Variants in HAPLN2 observed in about 807,000 individuals in gnomAD.
HAPLN2 encodes hyaluronan and proteoglycan link protein 2.
HAPLN2 carries 27 observed loss-of-function variants against 29.3 expected under a neutral mutation model. The ratio of observed to expected loss-of-function variants is 0.92; its 90% CI spans 0.68 to 1.27. HAPLN2 has a LOEUF of 1.27. HAPLN2 is among the 50% of genes most tolerant of loss of function. HAPLN2 has a pLI of 0.00. For synonymous variants in HAPLN2, 208 were observed against 211.7 expected (o/e 0.98, Z 0.15); for missense variants, 454 against 484.3 (o/e 0.94, Z 0.59).
chr1:156,608,513 T>TCTTTTCTTTTCTTTC, the HAPLN2 span, among the ~76,000 whole-genome samples: 1 of 151,896 alleles, frequency 6.6e-6, no homozygotes, highest in African/African-American at 2.4e-5. Context: ...CCTTTTCTTT[T>TCTTTTCTTTTCTTTC]CTTTTCTTTC....
At chr1:156,602,520 C>G in the HAPLN2 span, among the ~76,000 whole-genome samples, 2 of 105,506 alleles carry the variant, frequency 1.9e-5, no homozygotes, top group African/African-American at 7.2e-5. Context: ...CCAGCCTGGG[C>G]AAAATGGCGA....
the HAPLN2 span, among the ~76,000 whole-genome samples, chr1:156,604,338 G>T: frequency 1.3e-5 from 2 of 150,696 alleles, no homozygotes; most frequent in Non-Finnish European, 2.9e-5. Flanking sequence ...CTATCGCCAG[G>T]CTGGAGTGCA....
chr1:156,604,451 A>G, the HAPLN2 span, among the ~76,000 whole-genome samples: 4 of 152,068 alleles, frequency 2.6e-5, no homozygotes, highest in African/African-American at 9.7e-5. Context: ...CACCACGCCC[A>G]GCTAATTTTT....
upstream of HAPLN2, among the ~76,000 whole-genome samples, chr1:156,616,107 CA>C (rs1218055119): frequency 2.8e-4 from 43 of 152,226 alleles, no homozygotes; most frequent in Non-Finnish European, 1.5e-5. Context: ...GAAAACTGGC[CA>C]GCTGAACCTG....
Position 156,623,679 on chromosome 1 carries a change from C to T in HAPLN2, c.85+104C>T, listed in dbSNP as rs1678332120. On this transcript the variant is annotated intron_variant, in intron 3 of 6. Transcript: ENST00000255039. Reference sequence around the variant, plus strand: ...TTGCAGGTACCCAGGGACTGAAAGTCATTGCTGAGAAGGCAATGGAGGAGA... The same window carrying T: ...TTGCAGGTACCCAGGGACTGAAAGTTATTGCTGAGAAGGCAATGGAGGAGA... 4 of 1,547,446 alleles carry T rather than the reference C, an allele frequency of 2.6e-6. No individual in the cohort carries two copies. In the South Asian group the frequency reaches 3.6e-5, roughly 14 times the overall value.
the HAPLN2 span, among the ~76,000 whole-genome samples, chr1:156,609,740 A>G: frequency 1.3e-5 from 2 of 152,166 alleles, no homozygotes; most frequent in African/African-American, 2.4e-5. Flanking sequence ...TAAAGGAACA[A>G]TAGACACCAG....
At chr1:156,601,987 G>C in the HAPLN2 span, among the ~76,000 whole-genome samples, 2,930 of 151,970 alleles carry the variant, frequency 0.019, 31 homozygotes, top group Middle Eastern at 0.037. Flanking sequence ...AGACTTGAGG[G>C]CAGTGGCGCG....
the HAPLN2 span, among the ~76,000 whole-genome samples, chr1:156,613,953 AAAAG>A: frequency 6.6e-6 from 1 of 151,814 alleles, no homozygotes. Flanking sequence ...AAAAAGAAAA[AAAAG>A]AAAAAATGCT....
chr1:156,610,466 C>T, the HAPLN2 span, among the ~76,000 whole-genome samples: 1 of 151,914 alleles, frequency 6.6e-6, no homozygotes, highest in African/African-American at 2.4e-5. Flanking sequence ...GGAGAAACCC[C>T]GTGTCTACTA....
Position 156,624,367 on chromosome 1 carries a change from C to G in HAPLN2, c.456C>G (p.Tyr152Ter), listed in dbSNP as rs553670177. Residue 152 changes from tyrosine to a stop codon, truncating the protein, a stop_gained, in exon 5 of 7, where the codon TAC (tyrosine) becomes TAG (stop). Coordinates refer to ENST00000255039, the MANE Select transcript of HAPLN2 (RefSeq NM_021817.3). LOFTEE classifies it high-confidence loss of function. ...ACCCCCTAGGTGTGGTGTTTCCGTACCAACCCAGCCGGGGCCGGTACCAGT... is the reference window on the plus strand; with the variant it reads ...ACCCCCTAGGTGTGGTGTTTCCGTAGCAACCCAGCCGGGGCCGGTACCAGT... ...TLSLEGVVFP[Y>*]QPSRGRYQFN... The G allele has an allele frequency of 6.2e-7, 1 of 1,605,434 alleles. No homozygotes were observed. Among genetic ancestry groups the G allele is most frequent in the South Asian group, 1.1e-5 (1 of 89,462 alleles).
chr1:156,622,002 A>G (rs1326241663), intron 2 of HAPLN2, among the ~76,000 whole-genome samples: 1 of 152,034 alleles, frequency 6.6e-6, no homozygotes, highest in African/African-American at 2.4e-5. Context: ...TAACTACAGT[A>G]CTGAAATAGA....
intron 3 of HAPLN2, 92 bp from the exon 4 acceptor site, chr1:156,623,715 G>A (rs1678333397): frequency 3.4e-6 from 5 of 1,491,714 alleles, no homozygotes; most frequent in African/African-American, 2.8e-5. Context: ...GGGTTGGGGG[G>A]CTCTGGAGAA....
chr1:156,623,053 T>TA lies in HAPLN2; in HGVS notation c.-24-411dup, dbSNP rs1553235352. Among the ~76,000 whole-genome samples the TA allele has an allele frequency of 6.4e-3, 726 of 112,800 alleles. 39 individuals carry two copies. Among genetic ancestry groups the TA allele is most frequent in the African/African-American group, 0.023 (705 of 31,124 alleles). 74.0% of individuals were successfully genotyped at this position (112,800 alleles called of 152,430 possible). ...TGTCTCAAAAAAATAAATAAATAAA[T>TA]AAATAAATAAATAAATAAATAAATA... On this transcript the variant is annotated intron_variant, in intron 2 of 6. Coordinates refer to ENST00000255039, the MANE Select transcript of HAPLN2 (RefSeq NM_021817.3).
At chr1:156,622,668 C>T (rs763583263) in intron 2 of HAPLN2, among the ~76,000 whole-genome samples, 38 of 151,998 alleles carry the variant, frequency 2.5e-4, no homozygotes, top group Non-Finnish European at 2.8e-4. Flanking sequence ...AGAGGCGAGG[C>T]GGGGACCATG....
chr1:156,609,372 A>G, the HAPLN2 span, among the ~76,000 whole-genome samples: 4 of 152,232 alleles, frequency 2.6e-5, no homozygotes, highest in African/African-American at 7.2e-5. Flanking sequence ...GAAAGATTGC[A>G]AAGACAACAA....
intron 6 of HAPLN2, 95 bp downstream of exon 6, chr1:156,624,878 CGGG>C: frequency 7.3e-7 from 1 of 1,372,926 alleles, no homozygotes; most frequent in Non-Finnish European, 9.6e-7. Flanking sequence ...GCAGGGTCTC[CGGG>C]TCCCTCCAAG....
At chr1:156,609,746 A>G in the HAPLN2 span, among the ~76,000 whole-genome samples, 1 of 152,160 alleles carries the variant, frequency 6.6e-6, no homozygotes, top group Non-Finnish European at 1.5e-5. Context: ...AACAATAGAC[A>G]CCAGGCCTAC....
At chr1:156,624,912 C>CCCCCCCCCCCCCCCCCCCCCCCA in intron 6 of HAPLN2, 129 bp downstream of exon 6, 1 of 506,908 alleles carries the variant, frequency 2.0e-6, no homozygotes, top group Non-Finnish European at 3.1e-6. Context: ...CCCATCAGCC[C>CCCCCCCCCCCCCCCCCCCCCCCA]GCCCGCCCGC....
the HAPLN2 span, among the ~76,000 whole-genome samples, chr1:156,601,676 A>G: frequency 1.3e-3 from 193 of 152,232 alleles, 1 homozygote; most frequent in Non-Finnish European, 2.2e-3. Context: ...TTGAGCAGCC[A>G]AGGGACTTCA....
Sources: allele counts gnomAD v4.1 joint callset (sites outside exome capture counted in the v4.1 genomes callset), GRCh38; gene constraint gnomAD v4.1.1; transcripts MANE v1.5; gene names NCBI Gene and HGNC (gene_info 2026-07-23, HGNC 2026-07-21).